LRBA: variants seen among roughly 807,000 people sequenced by gnomAD.
LRBA encodes the protein lipopolysaccharide-responsive and beige-like anchor protein.
A neutral mutation model predicts 330.0 loss-of-function variants in LRBA; 176 were observed. The observed-to-expected ratio is 0.53, with a 90% CI of 0.47 to 0.60. LRBA has a LOEUF of 0.60. Ranked by LOEUF, LRBA falls within the 20% of genes least tolerant of loss-of-function variation. LRBA has a pLI of 0.00. For synonymous variants in LRBA, 1,230 were observed against 1,193.0 expected (o/e 1.03, Z -0.64); for missense variants, 3,259 against 3,444.8 (o/e 0.95, Z 1.35).
intron 53 of LRBA, among the ~76,000 whole-genome samples, chr4:150,290,497 A>C (rs1400097213): frequency 6.6e-6 from 1 of 152,168 alleles, no homozygotes; most frequent in African/African-American, 2.4e-5. Context: ...AAAAATTGTC[A>C]TGGCCTTCAA....
chr4:150,879,161 G>A (rs1249258238), intron 17 of LRBA, among the ~76,000 whole-genome samples: 2 of 152,120 alleles, frequency 1.3e-5, no homozygotes, highest in East Asian at 3.8e-4. Flanking sequence ...ACATCAAAAA[G>A]TTAATTCACG....
In LRBA at chr4:150,820,556, C is replaced by A. The variant is rs1335260642; in HGVS notation, c.5172-3299G>T. Among the ~76,000 whole-genome samples, 8 of 152,058 alleles carry A rather than the reference C, an allele frequency of 5.3e-5. No homozygotes were observed. The South Asian group carries it at 1.5e-3, about 28-fold the overall frequency. Reference sequence around the variant, plus strand: ...AAAGCTGAATTATTTCATATAGCTACATAATTAGTATATAATAGAGAAATA... The same window carrying A: ...AAAGCTGAATTATTTCATATAGCTAAATAATTAGTATATAATAGAGAAATA... On this transcript the variant is annotated intron_variant, in intron 30 of 56. Transcript: ENST00000651943.
chr4:150,843,331 T>C (rs1327732484), intron 28 of LRBA, among the ~76,000 whole-genome samples: 2 of 152,190 alleles, frequency 1.3e-5, no homozygotes, highest in African/African-American at 2.4e-5. Flanking sequence ...GTTAGAAAGT[T>C]TGTAAGAAAT....
At chr4:150,732,267 T>C (rs1730551622) in intron 36 of LRBA, among the ~76,000 whole-genome samples, 1 of 152,130 alleles carries the variant, frequency 6.6e-6, no homozygotes, top group Admixed American at 6.5e-5. Context: ...TAAATACTAT[T>C]ATTTTTAATT....
At chr4:150,650,929 A>T (rs1405108739) in intron 37 of LRBA, among the ~76,000 whole-genome samples, 3 of 152,194 alleles carry the variant, frequency 2.0e-5, no homozygotes, top group Non-Finnish European at 4.4e-5. Flanking sequence ...ACTAAATGGG[A>T]TTAACTAATC....
At chr4:150,472,351 G>C (rs1756237033) in intron 42 of LRBA, among the ~76,000 whole-genome samples, 1 of 151,972 alleles carries the variant, frequency 6.6e-6, no homozygotes, top group Non-Finnish European at 1.5e-5. Context: ...GGCAGAATTA[G>C]TTATTACATT....
At chr4:150,675,669 G>A (rs1463167148) in intron 37 of LRBA, among the ~76,000 whole-genome samples, 1 of 151,948 alleles carries the variant, frequency 6.6e-6, no homozygotes, top group Non-Finnish European at 1.5e-5. Flanking sequence ...AGTGAGCTGA[G>A]ATCCCACCAC....
chr4:150,897,440 G>GT (rs1359848742), intron 15 of LRBA, among the ~76,000 whole-genome samples: 1 of 151,996 alleles, frequency 6.6e-6, no homozygotes, highest in East Asian at 1.9e-4. Flanking sequence ...TCCTTCAGGA[G>GT]TTTAGTGCCA....
intron 40 of LRBA, among the ~76,000 whole-genome samples, chr4:150,565,277 A>T (rs1424758822): frequency 6.6e-6 from 1 of 152,124 alleles, no homozygotes; most frequent in African/African-American, 2.4e-5. Context: ...CTCACTAATA[A>T]GTGGGAATTG....
At chr4:150,684,298 T>C (rs778533980) in intron 36 of LRBA, among the ~76,000 whole-genome samples, 8 of 152,130 alleles carry the variant, frequency 5.3e-5, no homozygotes, top group Non-Finnish European at 7.4e-5. Context: ...AAAGAGACAA[T>C]AGCAGCTTAC....
At chr4:150,704,733 T>C (rs1785451115) in intron 36 of LRBA, among the ~76,000 whole-genome samples, 5 of 152,146 alleles carry the variant, frequency 3.3e-5, no homozygotes, top group Admixed American at 3.3e-4. Flanking sequence ...AAATGAAATA[T>C]AATTTGTAAT....
intron 37 of LRBA, among the ~76,000 whole-genome samples, chr4:150,674,189 GTTTT>G (rs34337397): frequency 1.4e-5 from 2 of 146,934 alleles, no homozygotes; most frequent in Non-Finnish European, 1.5e-5. Context: ...TGGTTTTGGG[GTTTT>G]TTTTTTGCAT....
intron 2 of LRBA, among the ~76,000 whole-genome samples, chr4:150,973,994 A>G (rs1321653650): frequency 6.6e-6 from 1 of 152,272 alleles, no homozygotes. Flanking sequence ...TCACAAAAAT[A>G]TTCATGTTCA....
At chr4:150,741,857 T>C (rs947540838) in intron 35 of LRBA, among the ~76,000 whole-genome samples, 14 of 152,034 alleles carry the variant, frequency 9.2e-5, no homozygotes, top group Non-Finnish European at 1.9e-4. Context: ...TAAGAAATGG[T>C]AACCTTCAGT....
At chr4:150,403,193 C>T (rs1489562406) in intron 47 of LRBA, among the ~76,000 whole-genome samples, 1 of 152,198 alleles carries the variant, frequency 6.6e-6, no homozygotes, top group Non-Finnish European at 1.5e-5. Context: ...GAAACACAGG[C>T]AGGGGAGGGG....
chr4:150,669,441 C>A (rs1225072437), intron 37 of LRBA, among the ~76,000 whole-genome samples: 1 of 152,182 alleles, frequency 6.6e-6, no homozygotes, highest in African/African-American at 2.4e-5. Flanking sequence ...AGTTAGTTAT[C>A]ATGTCTTCTT....
intron 36 of LRBA, among the ~76,000 whole-genome samples, chr4:150,732,701 T>C (rs1282862279): frequency 6.6e-6 from 1 of 152,018 alleles, no homozygotes; most frequent in Non-Finnish European, 1.5e-5. Flanking sequence ...TTTTTCCAAG[T>C]TGTTGATGGT....
chr4:150,424,948 G>A (rs573284017), intron 46 of LRBA, among the ~76,000 whole-genome samples: 2 of 152,232 alleles, frequency 1.3e-5, no homozygotes, highest in East Asian at 1.9e-4. Context: ...CTCTTAATAC[G>A]AAATAAACAT....
At chr4:150,358,689 G>A (rs958753457) in intron 47 of LRBA, among the ~76,000 whole-genome samples, 3 of 152,002 alleles carry the variant, frequency 2.0e-5, no homozygotes, top group Non-Finnish European at 4.4e-5. Context: ...AAAAATGAAT[G>A]TTTCCTCTTC....
Sources: gnomAD v4.1 joint callset for allele counts (sites outside exome capture counted in the v4.1 genomes callset) on GRCh38, gnomAD v4.1.1 for gene constraint, MANE v1.5 for transcripts, NCBI Gene and HGNC (gene_info 2026-07-23, HGNC 2026-07-21) for gene names.